The following MYO16 variants were observed in gnomAD, a reference collection of about 807,000 sequenced individuals.
MYO16 encodes the protein unconventional myosin-XVI.
MYO16 carries 94 observed loss-of-function variants against 205.3 expected under a neutral mutation model. The ratio of observed to expected loss-of-function variants is 0.46; its 90% confidence interval spans 0.39 to 0.54. MYO16 has a LOEUF of 0.54. Ranked by LOEUF, MYO16 falls within the 20% of genes least tolerant of loss-of-function variation. The pLI, the probability that MYO16 is intolerant of heterozygous loss-of-function variation, is 0.00. For missense variants in MYO16, 2,315 were observed against 2,387.5 expected (o/e 0.97, Z 0.63); for synonymous variants, 988 against 954.0 (o/e 1.04, Z -0.66).
intron 2 of MYO16, among the ~76,000 whole-genome samples, chr13:108,677,700 CCCTT>C (rs1409558551): frequency 4.6e-5 from 7 of 151,992 alleles, no homozygotes; most frequent in Non-Finnish European, 1.0e-4. Flanking sequence ...TAGAGCTGCT[CCCTT>C]CTCATAAGCC....
At chr13:108,937,417 C>G (rs1165002083) in intron 16 of MYO16, among the ~76,000 whole-genome samples, 1 of 152,208 alleles carries the variant, frequency 6.6e-6, no homozygotes, top group African/African-American at 2.4e-5. Flanking sequence ...ACCTCTCTAG[C>G]CAAATTAAGG....
At chr13:108,495,747 C>A in the MYO16 span, among the ~76,000 whole-genome samples, 2 of 150,788 alleles carry the variant, frequency 1.3e-5, no homozygotes, top group Non-Finnish European at 3.0e-5. Context: ...CGCCGCCGAG[C>A]GGGTGGCGGA....
intron 12 of MYO16, among the ~76,000 whole-genome samples, chr13:108,872,860 C>T (rs1242688102): frequency 6.6e-6 from 1 of 152,088 alleles, no homozygotes; most frequent in Non-Finnish European, 1.5e-5. Context: ...TTTTATAGGT[C>T]ATGAGAAAAG....
At chr13:108,875,098 T>C (rs752534795) in intron 12 of MYO16, among the ~76,000 whole-genome samples, 5 of 152,216 alleles carry the variant, frequency 3.3e-5, no homozygotes, top group Non-Finnish European at 5.9e-5. Flanking sequence ...GAACCTGTTA[T>C]CTGGAACTAG....
chr13:108,759,617 T>C (rs556338777), intron 4 of MYO16, among the ~76,000 whole-genome samples: 218 of 152,028 alleles, frequency 1.4e-3, no homozygotes, highest in Middle Eastern at 3.4e-3. Context: ...GTCAGGAGAT[T>C]GAGACCATCC....
intron 27 of MYO16, among the ~76,000 whole-genome samples, chr13:109,065,349 G>A (rs1233048738): frequency 6.6e-6 from 1 of 151,926 alleles, no homozygotes; most frequent in East Asian, 1.9e-4. Context: ...TAAAAGACAG[G>A]ACTTGCAAGT....
intron 22 of MYO16, among the ~76,000 whole-genome samples, chr13:109,011,545 C>T (rs1174649913): frequency 7.3e-6 from 1 of 136,650 alleles, no homozygotes; most frequent in Non-Finnish European, 1.5e-5. Flanking sequence ...GACAGAGTCT[C>T]GCTCTGTCAC....
At chr13:108,984,764 C>A (rs981265597) in intron 20 of MYO16, among the ~76,000 whole-genome samples, 2 of 152,140 alleles carry the variant, frequency 1.3e-5, no homozygotes, top group Non-Finnish European at 2.9e-5. Context: ...TTGTCAAAAA[C>A]CAACACATAA....
At chr13:109,166,041 C>T (rs181017200) in intron 33 of MYO16, among the ~76,000 whole-genome samples, 1 of 152,202 alleles carries the variant, frequency 6.6e-6, no homozygotes, top group Admixed American at 6.5e-5. Context: ...TCATAGAAAC[C>T]ATTTTTCAAA....
Position 108,636,348 on chromosome 13 carries a change from TTTTTTTTTTTTTTTTTTTTTTTGTG to T in MYO16, c.28+6478_28+6502del, listed in dbSNP as rs1473395917. Among the ~76,000 whole-genome samples the T allele has an allele frequency of 1.9e-3, 41 of 21,820 alleles. 1 individual carries two copies. In the South Asian group the frequency reaches 0.074, roughly 40 times the overall value. 14.3% of individuals were successfully genotyped at this position (21,820 alleles called of 152,430 possible). On this transcript the variant is annotated intron_variant, in intron 1 of 34. Transcript: ENST00000457511. The stretch of plus-strand genomic sequence containing the variant: ...GTCTTAAATGAAAAAATATTTCCCT[TTTTTTTTTTTTTTTTTTTTTTTGTG>T]TGTGTGTGTGTGTGTGTGTGTGTGT...
At chr13:108,921,798 CT>C (rs551178145) in intron 16 of MYO16, among the ~76,000 whole-genome samples, 314 of 152,290 alleles carry the variant, frequency 2.1e-3, no homozygotes, top group African/African-American at 7.1e-3. Flanking sequence ...CTACATCTCC[CT>C]GGCTGGGGGG....
At chr13:108,555,711 T>C in the MYO16 span, among the ~76,000 whole-genome samples, 1 of 152,178 alleles carries the variant, frequency 6.6e-6, no homozygotes, top group African/African-American at 2.4e-5. Context: ...TAACTGAAGT[T>C]TCACATGTTT....
chr13:108,955,996 C>T (rs544387427), intron 16 of MYO16, among the ~76,000 whole-genome samples: 9 of 152,298 alleles, frequency 5.9e-5, no homozygotes, highest in African/African-American at 1.7e-4. Flanking sequence ...CTCACCCACT[C>T]CCATGGTTTT....
At chr13:108,498,073 A>G in the MYO16 span, among the ~76,000 whole-genome samples, 2 of 152,216 alleles carry the variant, frequency 1.3e-5, no homozygotes, top group Admixed American at 6.5e-5. Flanking sequence ...AAACATTTGC[A>G]TAAGTGAGAA....
intron 4 of MYO16, among the ~76,000 whole-genome samples, chr13:108,768,877 C>G (rs1287601502): frequency 6.6e-6 from 1 of 152,058 alleles, no homozygotes; most frequent in Non-Finnish European, 1.5e-5. Flanking sequence ...AGCCAAAACC[C>G]TTGAACAGAT....
intron 29 of MYO16, among the ~76,000 whole-genome samples, chr13:109,122,193 G>A (rs1366152172): frequency 2.0e-5 from 3 of 152,096 alleles, no homozygotes; most frequent in East Asian, 1.9e-4. Context: ...TTAATCTAAC[G>A]CTAAAGACAG....
intron 27 of MYO16, among the ~76,000 whole-genome samples, chr13:109,059,378 A>G (rs1274105903): frequency 6.6e-6 from 1 of 152,206 alleles, no homozygotes; most frequent in East Asian, 1.9e-4. Flanking sequence ...AGCAGGCATG[A>G]AAACAACATT....
chr13:108,936,836 A>T lies in MYO16; in HGVS notation c.1926-20852A>T, dbSNP rs146613333. ...ATTTAAGAGTGTAAATTGTGTTTAGACTATTTACATTCAAGGTTAATATTG... is the reference window on the plus strand; with the variant it reads ...ATTTAAGAGTGTAAATTGTGTTTAGTCTATTTACATTCAAGGTTAATATTG... On this transcript the variant is annotated intron_variant, in intron 16 of 34. Coordinates refer to ENST00000457511, the MANE Select transcript of MYO16 (RefSeq NM_001198950.3). 3.5e-3 allele frequency among the ~76,000 whole-genome samples: 536 copies of T among 152,226 alleles called. 7 individuals are homozygous for T. Among genetic ancestry groups the T allele is most frequent in the African/African-American group, 0.012 (512 of 41,556 alleles).
chr13:108,603,441 A>G (rs906819303), intron 1 of MYO16, among the ~76,000 whole-genome samples: 2 of 152,232 alleles, frequency 1.3e-5, no homozygotes, highest in South Asian at 2.1e-4. Context: ...CATCAATTTC[A>G]TATACAACTT....
Sources: gnomAD v4.1 joint callset for allele counts (sites outside exome capture counted in the v4.1 genomes callset) on GRCh38, gnomAD v4.1.1 for gene constraint, MANE v1.5 for transcripts, NCBI Gene and HGNC (gene_info 2026-07-23, HGNC 2026-07-21) for gene names.